The following MYO5B variants were observed in gnomAD, a reference collection of about 807,000 sequenced individuals.
MYO5B encodes myosin VB.
In MYO5B, 143 loss-of-function variants were observed where a neutral mutation model predicts 229.3. That is an observed-to-expected ratio of 0.62 (90% confidence interval 0.54 to 0.72). MYO5B has a LOEUF of 0.72. Among genes scored for constraint, MYO5B ranks in the 30% least tolerant of loss-of-function variants. The pLI, the probability that MYO5B is intolerant of heterozygous loss-of-function variation, is 0.00. For missense variants in MYO5B, 2,321 were observed against 2,331.0 expected, an observed-to-expected ratio of 1.00 and a Z score of 0.09; for synonymous variants, 918 against 885.2, an observed-to-expected ratio of 1.04 and a Z score of -0.66.
chr18:49,901,012 C>T (rs1429190295), intron 21 of MYO5B, among the ~76,000 whole-genome samples: 2 of 152,142 alleles, frequency 1.3e-5, no homozygotes, highest in Admixed American at 6.5e-5. Context: ...TGTCCCTGGC[C>T]CACCATTTCC....
chr18:50,189,922 C>T lies in MYO5B; in HGVS notation c.27+4845G>A, dbSNP rs148461073. ...TCCCAAATCGCGCCCTTAGTAAAGG[C>T]TCCTGGGTGCAAAGCTGCCATACAT... On this transcript the variant is annotated intron_variant, in intron 1 of 39. Coordinates refer to ENST00000285039, the MANE Select transcript of MYO5B (RefSeq NM_001080467.3). 7.9e-5 allele frequency among the ~76,000 whole-genome samples: 12 copies of T among 152,280 alleles called. No individual in the cohort carries two copies. In the East Asian group the frequency reaches 2.1e-3, roughly 27 times the overall value.
rs757422021 is a variant in MYO5B, at chr18:49,974,504, T to G, written c.1168A>C (p.Lys390Gln). The change falls in exon 10 of 40, where the codon AAG becomes CAG. Residue 390 changes from lysine to glutamine, a missense_variant. Lys to Gln is a moderately conservative substitution (Grantham distance 53). Coordinates refer to ENST00000285039, the MANE Select transcript of MYO5B (RefSeq NM_001080467.3). ...ATCACCTGCTGCAGGGACATGGTCT[T>G]GACGTAGGTCTCCGAGGTGGTGACC... ...KLVTTSETYV[K>Q]TMSLQQVINA... 3.1e-6 allele frequency: 5 copies of G among 1,614,034 alleles called. No individual in the cohort carries two copies. In the African/African-American group the frequency reaches 6.7e-5, roughly 22 times the overall value.
chr18:49,929,403 T>C (rs2025164281), intron 17 of MYO5B, 109 bp downstream of exon 17: 3 of 855,782 alleles, frequency 3.5e-6, no homozygotes, highest in Non-Finnish European at 5.5e-6. Context: ...TTGGGAACCG[T>C]TTTGAAGGAT....
chr18:49,842,337 T>C (rs2024068599), intron 34 of MYO5B, among the ~76,000 whole-genome samples: 2 of 152,064 alleles, frequency 1.3e-5, no homozygotes, highest in African/African-American at 4.8e-5. Flanking sequence ...GTGGATAAAA[T>C]TGCCTGTGGA....
chr18:49,966,325 G>T (rs139016807), intron 10 of MYO5B, among the ~76,000 whole-genome samples: 33 of 152,284 alleles, frequency 2.2e-4, no homozygotes, highest in African/African-American at 7.5e-4. Flanking sequence ...GAAAAAACAA[G>T]ATCAAAGATG....
chr18:50,110,118 C>T (rs773793954), intron 1 of MYO5B, among the ~76,000 whole-genome samples: 23 of 152,184 alleles, frequency 1.5e-4, no homozygotes, highest in African/African-American at 5.3e-4. Flanking sequence ...CCTGCTTTCC[C>T]TGTCTGGAAT....
At chr18:49,937,578 A>G (rs1348043323) in intron 14 of MYO5B, among the ~76,000 whole-genome samples, 181 bp from the exon 15 acceptor site, 1 of 152,180 alleles carries the variant, frequency 6.6e-6, no homozygotes, top group Admixed American at 6.5e-5. Flanking sequence ...AACAACCCAA[A>G]TACCAACTGA....
At position 49,904,689 on chromosome 18, in the gene MYO5B, G is replaced by C. The variant is rs768724490; in HGVS notation, c.2554C>G (p.Arg852Gly). 4.3e-6 allele frequency: 7 copies of C among 1,613,870 alleles called. No homozygotes were observed. The highest frequency in any genetic ancestry group is 5.9e-6 in the Non-Finnish European group (7 of 1,180,016). The change falls in exon 20 of 40, where the codon CGG becomes GGG. Residue 852 changes from arginine to glycine, a missense_variant. Coordinates refer to ENST00000285039, the MANE Select transcript of MYO5B (RefSeq NM_001080467.3). ...IQAFTRAMFV[R>G]RTYRQVLMEH... ...CTACTCACCTGGCGGTAGGTTCTCC[G>C]CACAAACATGGCCCGGGTGAAGGCC... is the stretch of plus-strand genomic sequence containing the variant.
chr18:49,899,340 A>T (rs747945338), intron 21 of MYO5B, among the ~76,000 whole-genome samples: 30 of 152,168 alleles, frequency 2.0e-4, no homozygotes, highest in Non-Finnish European at 2.9e-4. Flanking sequence ...TCTAATGGAG[A>T]TTATGTCAAT....
chr18:50,044,423 C>A (rs572667647), intron 2 of MYO5B, among the ~76,000 whole-genome samples: 1 of 152,040 alleles, frequency 6.6e-6, no homozygotes, highest in African/African-American at 2.4e-5. Flanking sequence ...AATAACTGGG[C>A]CTTTAGAGGT....
Position 49,826,123 on chromosome 18 carries a change from A to T in MYO5B, c.*348T>A. 2 of 290,212 alleles carry T rather than the reference A, an allele frequency of 6.9e-6. No individual in the cohort carries two copies. Among genetic ancestry groups the T allele is most frequent in the South Asian group, 7.8e-5 (2 of 25,772 alleles). 18.0% of individuals were successfully genotyped at this position (290,212 alleles called of 1,614,324 possible). A position where few individuals can be genotyped will look rare whatever the true frequency, so the allele number is the denominator to read the frequency against. ...ATATATTTGGTATTTTAATTTGGAC[A>T]TTCTCTAGTTCTATGCAAAGATCAA... On this transcript the variant is annotated 3_prime_UTR_variant, in exon 40 of 40. Coordinates refer to ENST00000285039, the MANE Select transcript of MYO5B (RefSeq NM_001080467.3).
At chr18:49,900,123 C>T (rs187304795) in intron 21 of MYO5B, among the ~76,000 whole-genome samples, 103 of 152,356 alleles carry the variant, frequency 6.8e-4, no homozygotes, top group African/African-American at 2.4e-3. Context: ...GTGCAGCGGT[C>T]AATGCCTACT....
At chr18:49,945,378 G>GAAT (rs1484655278) in intron 14 of MYO5B, among the ~76,000 whole-genome samples, 1 of 152,088 alleles carries the variant, frequency 6.6e-6, no homozygotes, top group Non-Finnish European at 1.5e-5. Flanking sequence ...GGTTAGGCTA[G>GAAT]AATCCTGTCC....
intron 22 of MYO5B, among the ~76,000 whole-genome samples, chr18:49,882,870 A>G (rs142610940): frequency 6.6e-6 from 1 of 152,154 alleles, no homozygotes; most frequent in Non-Finnish European, 1.5e-5. Context: ...TAGAAGGAAC[A>G]CTTCCCAATT....
chr18:50,185,594 G>T (rs902692302), intron 1 of MYO5B, among the ~76,000 whole-genome samples: 1 of 152,028 alleles, frequency 6.6e-6, no homozygotes, highest in Admixed American at 6.5e-5. Flanking sequence ...CTAATTGCCC[G>T]ATTTAATCAT....
At chr18:50,158,361 T>C (rs2032714031) in intron 1 of MYO5B, among the ~76,000 whole-genome samples, 1 of 152,224 alleles carries the variant, frequency 6.6e-6, no homozygotes, top group Admixed American at 6.5e-5. Flanking sequence ...CTCTTTCATA[T>C]ACCTAATATG....
chr18:49,849,423 C>A (rs1178517694), intron 32 of MYO5B, 144 bp downstream of exon 32: 15 of 769,394 alleles, frequency 1.9e-5, no homozygotes, highest in Non-Finnish European at 3.5e-5. Flanking sequence ...GATCCAACTT[C>A]TATCGCCTGG....
chr18:49,909,516 C>G (rs1006378894), intron 18 of MYO5B, among the ~76,000 whole-genome samples: 1 of 152,356 alleles, frequency 6.6e-6, no homozygotes, highest in Non-Finnish European at 1.5e-5. Flanking sequence ...GGTTTCTAGT[C>G]ATGAGCAGCT....
intron 1 of MYO5B, among the ~76,000 whole-genome samples, chr18:50,182,834 C>G (rs1705546): frequency 0.36 from 54,209 of 151,874 alleles, 9,868 homozygotes; most frequent in South Asian, 0.42. Flanking sequence ...TAGAACCAGG[C>G]TGTGGGGGGT....
Sources: gnomAD v4.1 joint callset for allele counts (sites outside exome capture counted in the v4.1 genomes callset) on GRCh38, gnomAD v4.1.1 for gene constraint, MANE v1.5 for transcripts, NCBI Gene and HGNC (gene_info 2026-07-23, HGNC 2026-07-21) for gene names.